Variants in PPP1R13B observed in about 807,000 individuals in gnomAD.
PPP1R13B encodes protein phosphatase 1 regulatory subunit 13B, also known as apoptosis-stimulating of p53 protein 1.
Under a neutral mutation model 119.8 loss-of-function variants are expected in PPP1R13B, and 44 were observed. That is an observed-to-expected ratio of 0.37 (90% CI 0.29 to 0.47). PPP1R13B has a LOEUF of 0.47. Ranked by LOEUF, PPP1R13B falls within the 20% of genes least tolerant of loss-of-function variation. The pLI is 0.99. For missense variants in PPP1R13B, 1,227 were observed against 1,413.5 expected, an observed-to-expected ratio of 0.87 and a Z score of 2.12; for synonymous variants, 542 against 561.5, an observed-to-expected ratio of 0.97 and a Z score of 0.49.
intron 4 of PPP1R13B, among the ~76,000 whole-genome samples, chr14:103,761,661 G>A (rs1216323269): frequency 6.6e-6 from 1 of 151,874 alleles, no homozygotes; most frequent in African/African-American, 2.4e-5. Context: ...TACTCGGGAG[G>A]CTGAGGCAGG....
chr14:103,739,760 C>A, intron 12 of PPP1R13B, 64 bp downstream of exon 12: 2 of 1,498,354 alleles, frequency 1.3e-6, no homozygotes, highest in East Asian at 2.3e-5. Context: ...AGGGAAGGAC[C>A]CCAGAGGTCC....
intron 5 of PPP1R13B, among the ~76,000 whole-genome samples, chr14:103,756,288 C>T (rs901914857): frequency 1.3e-5 from 2 of 152,104 alleles, no homozygotes; most frequent in African/African-American, 4.8e-5. Flanking sequence ...CAGGGTTTCA[C>T]CATGTTGGCC....
chr14:103,829,932 C>A (rs1035778154), intron 1 of PPP1R13B, among the ~76,000 whole-genome samples: 3 of 152,102 alleles, frequency 2.0e-5, no homozygotes, highest in African/African-American at 7.2e-5. Flanking sequence ...ATGCACGCCA[C>A]CATGCCCAGC....
intron 1 of PPP1R13B, among the ~76,000 whole-genome samples, chr14:103,817,677 C>A (rs1209087105): frequency 6.6e-6 from 1 of 151,672 alleles, no homozygotes; most frequent in Non-Finnish European, 1.5e-5. Context: ...ATAAAAATAG[C>A]TAATTATTTT....
chr14:103,739,431 G>T (rs1200057515), intron 12 of PPP1R13B, among the ~76,000 whole-genome samples: 1 of 152,210 alleles, frequency 6.6e-6, no homozygotes, highest in African/African-American at 2.4e-5. Context: ...CCCACTGAGG[G>T]TTCCCTGAGA....
chr14:103,741,721 A>C, intron 11 of PPP1R13B, 69 bp downstream of exon 11: 1 of 1,494,488 alleles, frequency 6.7e-7, no homozygotes, highest in Non-Finnish European at 9.0e-7. Context: ...AAAGAAATAC[A>C]TTAGTATTTT....
At chr14:103,825,868 A>T (rs180706995) in intron 1 of PPP1R13B, among the ~76,000 whole-genome samples, 1 of 147,440 alleles carries the variant, frequency 6.8e-6, no homozygotes, top group Non-Finnish European at 1.5e-5. Context: ...TTTTTGAGAG[A>T]GAGTCTCGCT....
chr14:103,777,885 C>T (rs1358437953), intron 4 of PPP1R13B, among the ~76,000 whole-genome samples: 1 of 151,732 alleles, frequency 6.6e-6, no homozygotes, highest in Non-Finnish European at 1.5e-5. Context: ...GCCTCAAACT[C>T]CTGGGCTCAA....
At chr14:103,846,925 C>G in intron 1 of PPP1R13B, 1 of 1,154,888 alleles carries the variant, frequency 8.7e-7, no homozygotes, top group Non-Finnish European at 1.1e-6. Flanking sequence ...CGCCGACTCC[C>G]AGGGCGACCC....
intron 5 of PPP1R13B, among the ~76,000 whole-genome samples, chr14:103,757,430 T>G (rs2084704490): frequency 6.6e-6 from 1 of 152,190 alleles, no homozygotes; most frequent in Admixed American, 6.5e-5. Flanking sequence ...GTGTCAAAAG[T>G]GAGATGCTCT....
At chr14:103,811,884 G>A (rs925556895) in intron 1 of PPP1R13B, among the ~76,000 whole-genome samples, 7 of 150,564 alleles carry the variant, frequency 4.6e-5, no homozygotes, top group Non-Finnish European at 8.9e-5. Context: ...GTGAAACCCC[G>A]TCTCTACTAA....
At position 103,736,144 on chromosome 14, in the gene PPP1R13B, G is replaced by A. The variant is rs759155402; in HGVS notation, c.3090C>T (p.Tyr1030=). The A allele has an allele frequency of 4.0e-5, 65 of 1,614,060 alleles. No individual in the cohort carries two copies. The highest frequency in any genetic ancestry group is 3.3e-4 in the Middle Eastern group (2 of 6,084). Residue 1030 remains tyrosine, a synonymous_variant, in exon 16 of 17, where the codon TAC becomes TAT. Coordinates refer to ENST00000202556, the MANE Select transcript of PPP1R13B (RefSeq NM_015316.3). ...NKGVAYALWD[Y]EAQNSDELSF... is the part of the protein sequence containing the mutation. ...ACAGCTCGTCACTGTTCTGGGCCTC[G>A]TAGTCCCACAGAGCATACGCCACAC...
chr14:103,744,843 G>A (rs7156834), intron 9 of PPP1R13B, among the ~76,000 whole-genome samples: 61,532 of 152,042 alleles, frequency 0.4, 12,611 homozygotes, highest in African/African-American at 0.43. Flanking sequence ...CAGGTTCCCC[G>A]TGTCCATGAC....
rs970863995 is a variant in PPP1R13B at position 103,738,314 on chromosome 14, C to G, written c.2864+365G>C. The G allele has an allele frequency of 3.1e-6, 1 of 319,366 alleles. No individual in the cohort carries two copies. Among genetic ancestry groups the G allele is most frequent in the East Asian group, 7.2e-5 (1 of 13,966 alleles). The allele number at this position is 319,366 out of a possible 1,614,324, so 19.8% of individuals were successfully genotyped here. A position where few individuals can be genotyped will look rare whatever the true frequency, so the allele number is the denominator to read the frequency against. On this transcript the variant is annotated intron_variant, in intron 14 of 16. Coordinates refer to ENST00000202556, the MANE Select transcript of PPP1R13B (RefSeq NM_015316.3). This position sits in a 1 kb window ranked among gnomAD's most constrained non-coding sequence, Gnocchi z 5.6. ...CAAACGGAATGAACAATGCGACAACCTACATGCCTGACCCAGGGGGATGCT... is the reference window on the plus strand; with the variant it reads ...CAAACGGAATGAACAATGCGACAACGTACATGCCTGACCCAGGGGGATGCT...
intron 6 of PPP1R13B, among the ~76,000 whole-genome samples, chr14:103,753,758 T>C (rs540221169): frequency 1.3e-5 from 2 of 152,084 alleles, no homozygotes; most frequent in African/African-American, 4.8e-5. Flanking sequence ...ATCTTTTTAT[T>C]TTTTTTTGAG....
intron 2 of PPP1R13B, among the ~76,000 whole-genome samples, chr14:103,787,058 T>C (rs1225674213): frequency 6.6e-6 from 1 of 151,766 alleles, no homozygotes; most frequent in Non-Finnish European, 1.5e-5. Flanking sequence ...TTCACCATGT[T>C]GGCCAGGCTG....
intron 1 of PPP1R13B, among the ~76,000 whole-genome samples, chr14:103,844,669 C>T (rs2086987651): frequency 3.3e-5 from 5 of 151,736 alleles, no homozygotes; most frequent in Admixed American, 6.6e-5. Flanking sequence ...GTGGAGGTTG[C>T]GGTGAGTCAA....
In PPP1R13B at chr14:103,753,079, A is replaced by G. The variant is rs765602182; in HGVS notation, c.749T>C (p.Leu250Pro). ...QQLEDLKKGK[L>P]NGFQSYNGKL... ...GCCATTGTAAGACTGGAACCCATTCAGTTTTCCTTTCTTTAAATCTTCCAA... is the reference window on the plus strand; with the variant it reads ...GCCATTGTAAGACTGGAACCCATTCGGTTTTCCTTTCTTTAAATCTTCCAA... Residue 250 changes from leucine (L) to proline (P), a missense_variant, in exon 7 of 17, where the codon CTG becomes CCG. Leu to Pro is a moderately conservative substitution (Grantham distance 98, BLOSUM62 -3). Coordinates refer to ENST00000202556, the MANE Select transcript of PPP1R13B (RefSeq NM_015316.3). 3 of 1,614,176 alleles carry G rather than the reference A, an allele frequency of 1.9e-6. No individual in the cohort carries two copies. Among genetic ancestry groups the G allele is most frequent in the Non-Finnish European group, 2.5e-6 (3 of 1,180,048 alleles).
rs180977060 is a variant in PPP1R13B, at chr14:103,754,056, T to C, written c.631+14A>G. The C allele has an allele frequency of 5.0e-6, 8 of 1,611,038 alleles. No individual in the cohort carries two copies. Among genetic ancestry groups the C allele is most frequent in the Middle Eastern group, 1.7e-4 (1 of 6,010 alleles). On this transcript the variant is annotated intron_variant, in intron 6 of 16. Transcript: ENST00000202556. ...TGGTGAGAGTGGTGTCGAGGGGGTG[T>C]TGCAGGCACGTACACAGATTGCCGT... is the stretch of plus-strand genomic sequence containing the variant.
Sources: gnomAD v4.1 joint callset for allele counts (sites outside exome capture counted in the v4.1 genomes callset) on GRCh38, gnomAD v4.1.1 for gene constraint, Gnocchi (gnomAD v3.1) non-coding constraint, MANE v1.5 for transcripts, NCBI Gene and HGNC (gene_info 2026-07-23, HGNC 2026-07-21) for gene names.